Variants in ARL5A observed in about 807,000 individuals in gnomAD.
ARL5A encodes ADP-ribosylation factor-like protein 5A.
A neutral mutation model predicts 25.9 loss-of-function variants in ARL5A; 18 were observed. The ratio of observed to expected loss-of-function variants is 0.69; its 90% CI spans 0.48 to 1.03. The LOEUF is 1.03. ARL5A is among the 50% of genes least tolerant of loss of function. The pLI is 0.00. For missense variants in ARL5A, 170 were observed against 211.9 expected (o/e 0.80, Z 1.23); for synonymous variants, 61 against 67.5 (o/e 0.90, Z 0.47).
Position 151,828,201 on chromosome 2 carries a change from C to G in ARL5A, c.-25G>C. 5 of 1,562,138 alleles carry G rather than the reference C, an allele frequency of 3.2e-6. 1 individual carries two copies. The South Asian group carries it at 5.6e-5, about 18-fold the overall frequency. ...TTCTCGGGCAGCGGACCCCCCCCCT[C>G]CAGACACCCGGGCCGCCTGGCTTCC... On this transcript the variant is annotated 5_prime_UTR_variant, in exon 1 of 6. Coordinates refer to ENST00000295087, the MANE Select transcript of ARL5A (RefSeq NM_012097.4).
chr2:151,820,900 G>C (rs1416195323), intron 1 of ARL5A, among the ~76,000 whole-genome samples: 1 of 152,094 alleles, frequency 6.6e-6, no homozygotes, highest in African/African-American at 2.4e-5. Context: ...AAATGGCTAT[G>C]AACAAGAGGA....
At chr2:151,808,772 G>T (rs1406221100) in intron 4 of ARL5A, among the ~76,000 whole-genome samples, 1 of 152,154 alleles carries the variant, frequency 6.6e-6, no homozygotes, top group Non-Finnish European at 1.5e-5. Context: ...CATCAGCCAG[G>T]TGTGGTGGCT....
At chr2:151,803,381 A>G (rs1418523563) in intron 5 of ARL5A, 57 bp from the exon 6 acceptor site, 5 of 1,284,782 alleles carry the variant, frequency 3.9e-6, no homozygotes, top group Non-Finnish European at 4.5e-6. Flanking sequence ...TATGAGCAGC[A>G]AACTATGAAC....
chr2:151,804,033 A>G (rs2099829774), intron 5 of ARL5A, among the ~76,000 whole-genome samples: 1 of 152,192 alleles, frequency 6.6e-6, no homozygotes, highest in Non-Finnish European at 1.5e-5. Flanking sequence ...TGATTTCATA[A>G]TTCTCATCAC....
chr2:151,805,112 T>C (rs2099829920), intron 5 of ARL5A, among the ~76,000 whole-genome samples: 1 of 152,182 alleles, frequency 6.6e-6, no homozygotes, highest in African/African-American at 2.4e-5. Context: ...ATGCTTTTGC[T>C]TGACAAAGAT....
intron 5 of ARL5A, among the ~76,000 whole-genome samples, chr2:151,803,950 G>C (rs1470237400): frequency 6.6e-6 from 1 of 151,926 alleles, no homozygotes; most frequent in Non-Finnish European, 1.5e-5. Context: ...AATAATTTTT[G>C]TCTAAAAATA....
chr2:151,815,157 GTT>G lies in ARL5A; in HGVS notation c.87_88del (p.Lys29AsnfsTer11). ...TACTTACAATTGGTAAAGAATGGTA[GTT>G]TTCCCTGCATTATCCAGCCCAACAA... On this transcript the variant is annotated frameshift_variant, in exon 2 of 6. Coordinates refer to ENST00000295087, the MANE Select transcript of ARL5A (RefSeq NM_012097.4). LOFTEE classifies it high-confidence loss of function. The G allele has an allele frequency of 1.2e-6, 2 of 1,606,250 alleles. No individual in the cohort carries two copies. The highest frequency in any genetic ancestry group is 1.7e-6 in the Non-Finnish European group (2 of 1,176,340).
intron 1 of ARL5A, among the ~76,000 whole-genome samples, chr2:151,826,030 G>A (rs539678116): frequency 1.6e-4 from 25 of 152,226 alleles, no homozygotes; most frequent in Admixed American, 1.6e-3. Context: ...GCTGAGGCAG[G>A]AGAATCGCTT....
At chr2:151,820,149 T>C (rs942852083) in intron 1 of ARL5A, among the ~76,000 whole-genome samples, 1 of 152,202 alleles carries the variant, frequency 6.6e-6, no homozygotes, top group Non-Finnish European at 1.5e-5. Flanking sequence ...CACAACTTAG[T>C]TGCCTACTGA....
At chr2:151,824,166 T>G (rs1467999827) in intron 1 of ARL5A, among the ~76,000 whole-genome samples, 5 of 152,200 alleles carry the variant, frequency 3.3e-5, no homozygotes, top group African/African-American at 1.2e-4. Flanking sequence ...TTTTTCACTT[T>G]CAGTACAGTA....
intron 1 of ARL5A, among the ~76,000 whole-genome samples, chr2:151,823,303 A>C (rs2099832602): frequency 6.6e-6 from 1 of 152,236 alleles, no homozygotes; most frequent in Non-Finnish European, 1.5e-5. Flanking sequence ...TTTTGTATTA[A>C]AAGTTCAATT....
intron 1 of ARL5A, among the ~76,000 whole-genome samples, chr2:151,819,326 A>G (rs911386298): frequency 2.0e-5 from 3 of 152,340 alleles, no homozygotes; most frequent in African/African-American, 7.2e-5. Context: ...AGCCTGAGGT[A>G]CACCATTTTG....
At chr2:151,816,356 C>T (rs781506368) in intron 1 of ARL5A, among the ~76,000 whole-genome samples, 31 of 152,180 alleles carry the variant, frequency 2.0e-4, no homozygotes, top group Non-Finnish European at 7.3e-5. Context: ...CTACAGAGTA[C>T]TTTAATTTTA....
chr2:151,821,786 TTTC>T (rs1313238499), intron 1 of ARL5A, among the ~76,000 whole-genome samples: 986 of 96,542 alleles, frequency 0.01, 18 homozygotes, highest in African/African-American at 0.037. Context: ...TTTTTTTTTT[TTTC>T]TTTTTTTTTT....
intron 1 of ARL5A, among the ~76,000 whole-genome samples, chr2:151,815,851 C>T (rs1180299287): frequency 6.6e-6 from 1 of 152,162 alleles, no homozygotes; most frequent in African/African-American, 2.4e-5. Context: ...TTCTCTCAGA[C>T]ATTCACGTTC....
At position 151,824,191 on chromosome 2, in the gene ARL5A, C is replaced by T. The variant is rs559676872; in HGVS notation, c.46+3940G>A. Among the ~76,000 whole-genome samples, 10 of 152,246 alleles carry T rather than the reference C, an allele frequency of 6.6e-5. No homozygotes were observed. The South Asian group carries it at 8.3e-4, about 13-fold the overall frequency. The stretch of plus-strand genomic sequence containing the variant: ...TCAGTACAGTATTCAATAAATTACA[C>T]GAGATATTCAACCTTTATTATAAAA... On this transcript the variant is annotated intron_variant, in intron 1 of 5. Coordinates refer to ENST00000295087, the MANE Select transcript of ARL5A (RefSeq NM_012097.4).
chr2:151,820,024 G>A (rs973167258), intron 1 of ARL5A, among the ~76,000 whole-genome samples: 1 of 152,146 alleles, frequency 6.6e-6, no homozygotes, highest in Non-Finnish European at 1.5e-5. Flanking sequence ...GCCACTAGCT[G>A]AACATGATCA....
intron 1 of ARL5A, among the ~76,000 whole-genome samples, chr2:151,825,823 GA>G (rs71410440): frequency 2.1e-4 from 30 of 140,248 alleles, no homozygotes; most frequent in South Asian, 2.3e-4. Flanking sequence ...GTCCTATACA[GA>G]AAAAAAAAAA....
intron 1 of ARL5A, 98 bp downstream of exon 1, chr2:151,828,033 C>G: frequency 7.3e-7 from 1 of 1,369,902 alleles, no homozygotes; most frequent in Non-Finnish European, 1.0e-6. Context: ...TGGCGCCCGA[C>G]CGAGCCGCCC....
Sources: gnomAD v4.1 joint callset for allele counts (sites outside exome capture counted in the v4.1 genomes callset) on GRCh38, gnomAD v4.1.1 for gene constraint, MANE v1.5 for transcripts, NCBI Gene and HGNC (gene_info 2026-07-23, HGNC 2026-07-21) for gene names.